Variants in METTL4 observed in about 807,000 individuals in gnomAD.
The protein encoded by METTL4 is N(6)-adenine-specific methyltransferase METTL4.
In METTL4, 40 loss-of-function variants were observed where a neutral mutation model predicts 54.0. The observed-to-expected ratio is 0.74, with a 90% confidence interval of 0.58 to 0.96. METTL4 has a LOEUF of 0.96. Ranked by LOEUF, METTL4 falls within the 50% of genes least tolerant of loss-of-function variation. The pLI is 0.00. For synonymous variants in METTL4, 169 were observed against 183.8 expected (o/e 0.92, Z 0.65); for missense variants, 525 against 549.0 (o/e 0.96, Z 0.44).
chr18:2,548,790 A>G (rs556829156), intron 5 of METTL4, among the ~76,000 whole-genome samples: 1 of 152,164 alleles, frequency 6.6e-6, no homozygotes, highest in South Asian at 2.1e-4. Flanking sequence ...CAATCGTTTC[A>G]TTGTCTTCTC....
chr18:2,557,503 G>T (rs1408392901), intron 3 of METTL4, among the ~76,000 whole-genome samples: 2 of 152,142 alleles, frequency 1.3e-5, no homozygotes, highest in African/African-American at 2.4e-5. Context: ...CAACATGGAA[G>T]ATGGAGTAGT....
Position 2,567,364 on chromosome 18 carries a change from G to T in METTL4, c.-148C>A. 1.8e-6 allele frequency: 1 copy of T among 558,092 alleles called. No homozygotes were observed. The highest frequency in any genetic ancestry group is 1.9e-5 in the African/African-American group (1 of 52,336). 34.6% of individuals were successfully genotyped at this position (558,092 alleles called of 1,614,324 possible). On this transcript the variant is annotated 5_prime_UTR_variant, in exon 2 of 9. An upstream open reading frame in the 5' UTR gains an earlier in-frame stop. Coordinates refer to ENST00000574538, the MANE Select transcript of METTL4 (RefSeq NM_022840.5). ...ATATACAAGTACAAAAACCTGACATGCACATTGAAGAGAATTTATCATTCA... is the reference window on the plus strand; with the variant it reads ...ATATACAAGTACAAAAACCTGACATTCACATTGAAGAGAATTTATCATTCA...
intron 6 of METTL4, among the ~76,000 whole-genome samples, chr18:2,546,222 T>A (rs1336725599): frequency 6.6e-6 from 1 of 152,070 alleles, no homozygotes; most frequent in Non-Finnish European, 1.5e-5. Context: ...ACTTTCCAGG[T>A]TTTCAGGTAC....
chr18:2,567,294 C>T lies in METTL4; in HGVS notation c.-78G>A. ...CTTTCCAGATCAGCTTCTTAAATAT[C>T]TTGTATTTCAATAAACATACACTTC... On this transcript the variant is annotated 5_prime_UTR_variant, in exon 2 of 9. Coordinates refer to ENST00000574538, the MANE Select transcript of METTL4 (RefSeq NM_022840.5). 1 of 1,345,238 alleles carries T rather than the reference C, an allele frequency of 7.4e-7. No individual in the cohort carries two copies. The highest frequency in any genetic ancestry group is 2.3e-5 in the East Asian group (1 of 43,198). The allele number at this position is 1,345,238 out of a possible 1,614,324, so 83.3% of individuals were successfully genotyped here.
At chr18:2,547,053 A>C (rs1339924429) in intron 6 of METTL4, among the ~76,000 whole-genome samples, 1 of 152,192 alleles carries the variant, frequency 6.6e-6, no homozygotes, top group Non-Finnish European at 1.5e-5. Context: ...ACAATTCCCC[A>C]AAGTTTTTGT....
intron 8 of METTL4, chr18:2,540,545 A>T: frequency 1.0e-6 from 1 of 985,438 alleles, no homozygotes. Flanking sequence ...TCAAAGAAGA[A>T]TTAAAAGGTT....
At chr18:2,556,284 G>A (rs1477152743) in intron 3 of METTL4, among the ~76,000 whole-genome samples, 1 of 150,670 alleles carries the variant, frequency 6.6e-6, no homozygotes, top group Non-Finnish European at 1.5e-5. Flanking sequence ...ATTCACAAGG[G>A]CATTGCCTCG....
intron 8 of METTL4, among the ~76,000 whole-genome samples, chr18:2,541,138 G>A (rs1302523079): frequency 2.0e-5 from 3 of 152,060 alleles, no homozygotes; most frequent in Admixed American, 2.0e-4. Context: ...ATTAAGTTGT[G>A]TTTTTATAAT....
rs2071955941 is a variant in METTL4 at position 2,539,156 on chromosome 18, AAG to A, written c.1274-13_1274-12del. ...AGTCTTTTAAAACCTCTGTTTAAAAAAGAGAAAAAACACAAAAATTATTATTG... is the reference window on the plus strand; with the variant it reads ...AGTCTTTTAAAACCTCTGTTTAAAAAAGAAAAAACACAAAAATTATTATTG... On this transcript the variant is annotated splice_polypyrimidine_tract_variant and intron_variant, in intron 8 of 8. Coordinates refer to ENST00000574538, the MANE Select transcript of METTL4 (RefSeq NM_022840.5). 1 of 1,605,458 alleles carries A rather than the reference AAG, an allele frequency of 6.2e-7. No homozygotes were observed. The highest frequency in any genetic ancestry group is 1.3e-5 in the African/African-American group (1 of 74,434).
chr18:2,551,622 G>A (rs1179957115), intron 5 of METTL4, among the ~76,000 whole-genome samples: 4 of 152,026 alleles, frequency 2.6e-5, no homozygotes, highest in Non-Finnish European at 5.9e-5. Flanking sequence ...ATCTGAACCA[G>A]AAGTTTGAGG....
At position 2,560,940 on chromosome 18, in the gene METTL4, C is replaced by T. The variant is rs557418263; in HGVS notation, c.459+2857G>A. On this transcript the variant is annotated intron_variant, in intron 3 of 8. Transcript: ENST00000574538. ...ACATCATGATCATTTGGAATATATT[C>T]TGCAAATGCAAGGATGGTTAATTGA... Among the ~76,000 whole-genome samples the T allele has an allele frequency of 5.3e-4, 81 of 152,120 alleles. 1 individual carries two copies. In the Middle Eastern group the frequency reaches 0.024, roughly 45 times the overall value.
At chr18:2,560,912 G>C (rs1018318656) in intron 3 of METTL4, among the ~76,000 whole-genome samples, 6 of 151,994 alleles carry the variant, frequency 3.9e-5, no homozygotes, top group African/African-American at 1.4e-4. Context: ...TTTAAAAATA[G>C]TAACATCATG....
In METTL4 at chr18:2,554,731, A is replaced by C; in HGVS notation, c.767T>G (p.Leu256Arg). Residue 256 changes from leucine to arginine, a missense_variant, in exon 4 of 9, where the codon CTG (leucine) becomes CGG (arginine). Coordinates refer to ENST00000574538, the MANE Select transcript of METTL4 (RefSeq NM_022840.5). ...KVITLMGQKYLLPPKSSFLLS... is the reference protein window; with the variant it reads ...KVITLMGQKYRLPPKSSFLLS... Reference sequence around the variant, plus strand: ...AAGAAAACTGCTTTTCGGTGGTAGCAGGTATTTCTGTCCCATTAAAGTAAT... The same window carrying C: ...AAGAAAACTGCTTTTCGGTGGTAGCCGGTATTTCTGTCCCATTAAAGTAAT... The C allele has an allele frequency of 6.2e-7, 1 of 1,610,766 alleles. No homozygotes were observed. The highest frequency in any genetic ancestry group is 1.7e-5 in the Admixed American group (1 of 58,798).
intron 3 of METTL4, among the ~76,000 whole-genome samples, chr18:2,556,624 A>T (rs7245104): frequency 0.52 from 79,071 of 151,878 alleles, 21,212 homozygotes; most frequent in African/African-American, 0.66. Flanking sequence ...TCCAAATAAA[A>T]ATATTGGGAA....
intron 6 of METTL4, among the ~76,000 whole-genome samples, chr18:2,545,949 C>A (rs1433925711): frequency 6.6e-6 from 1 of 152,062 alleles, no homozygotes; most frequent in African/African-American, 2.4e-5. Context: ...ATCTTAGTTT[C>A]TATGTATTAA....
intron 8 of METTL4, among the ~76,000 whole-genome samples, chr18:2,543,803 G>A (rs1338973642): frequency 6.6e-6 from 1 of 152,112 alleles, no homozygotes; most frequent in Non-Finnish European, 1.5e-5. Flanking sequence ...AATATCAAGG[G>A]ACTTCTGTTT....
chr18:2,569,127 A>C (rs2072464619), intron 1 of METTL4: 1 of 153,248 alleles, frequency 6.5e-6, no homozygotes, highest in Non-Finnish European at 1.5e-5. Flanking sequence ...AATTAATCAA[A>C]AAGAAAAACC....
chr18:2,562,476 T>G (rs763640429), intron 3 of METTL4, among the ~76,000 whole-genome samples: 1 of 152,156 alleles, frequency 6.6e-6, no homozygotes, highest in African/African-American at 2.4e-5. Context: ...TGTACACCAA[T>G]GTTCACAGAA....
chr18:2,566,741 A>C, intron 2 of METTL4, 80 bp downstream of exon 2: 6 of 1,153,138 alleles, frequency 5.2e-6, no homozygotes, highest in Non-Finnish European at 5.9e-6. Flanking sequence ...TTAACGAATC[A>C]CCAGATATTT....
Sources: allele counts gnomAD v4.1 joint callset (sites outside exome capture counted in the v4.1 genomes callset), GRCh38; gene constraint gnomAD v4.1.1; transcripts MANE v1.5; gene names NCBI Gene and HGNC (gene_info 2026-07-23, HGNC 2026-07-21).